MYRIP: variants seen among roughly 807,000 people sequenced by gnomAD.
The protein encoded by MYRIP is rab effector MyRIP.
In MYRIP, 49 loss-of-function variants were observed where a neutral mutation model predicts 98.0. The ratio of observed to expected loss-of-function variants is 0.50; its 90% CI spans 0.40 to 0.63. MYRIP has a LOEUF of 0.63. Among genes scored for constraint, MYRIP ranks in the 30% least tolerant of loss-of-function variants. MYRIP has a pLI of 0.00. For missense variants in MYRIP, 1,004 were observed against 1,058.2 expected, an observed-to-expected ratio of 0.95 and a Z score of 0.71; for synonymous variants, 404 against 409.5, an observed-to-expected ratio of 0.99 and a Z score of 0.16.
In MYRIP at chr3:39,970,487, GATA is replaced by G. The variant is rs1435843624; in HGVS notation, c.110+69566_110+69568del. Among the ~76,000 whole-genome samples, 6 of 152,140 alleles carry G rather than the reference GATA, an allele frequency of 3.9e-5. 1 individual carries two copies. Among genetic ancestry groups the G allele is most frequent in the South Asian group, 2.1e-4 (1 of 4,812 alleles). Reference sequence around the variant, plus strand: ...GTGTGTGTGTGTTAACCTAAACTCTGATAATAAGACAAAGCCCCCCATCTCCTT... The same window carrying G: ...GTGTGTGTGTGTTAACCTAAACTCTGATAAGACAAAGCCCCCCATCTCCTT... On this transcript the variant is annotated intron_variant, in intron 2 of 16. Coordinates refer to ENST00000302541, the MANE Select transcript of MYRIP (RefSeq NM_015460.4).
At chr3:39,955,412 A>C (rs972620428) in intron 2 of MYRIP, among the ~76,000 whole-genome samples, 5 of 152,334 alleles carry the variant, frequency 3.3e-5, no homozygotes, top group South Asian at 2.1e-4. Flanking sequence ...CCAGAATTTC[A>C]TATCCAGCCA....
At chr3:39,832,089 C>T (rs929915134) in intron 1 of MYRIP, among the ~76,000 whole-genome samples, 7 of 152,196 alleles carry the variant, frequency 4.6e-5, no homozygotes, top group East Asian at 1.9e-4. Context: ...GCTGCTTCTG[C>T]ACTCTTCTTC....
intron 1 of MYRIP, among the ~76,000 whole-genome samples, chr3:39,887,888 A>G (rs1233967389): frequency 6.6e-6 from 1 of 151,980 alleles, no homozygotes; most frequent in East Asian, 1.9e-4. Context: ...CCAACAACAG[A>G]CAAACAGAGA....
At chr3:39,819,914 T>G (rs973024638) in intron 1 of MYRIP, among the ~76,000 whole-genome samples, 1 of 152,258 alleles carries the variant, frequency 6.6e-6, no homozygotes, top group Non-Finnish European at 1.5e-5. Context: ...TGAGTTAAAT[T>G]TTCTGTGTAT....
intron 2 of MYRIP, among the ~76,000 whole-genome samples, chr3:39,952,470 T>C (rs1945043937): frequency 6.6e-6 from 1 of 152,234 alleles, no homozygotes; most frequent in Admixed American, 6.5e-5. Context: ...TAATACGGTA[T>C]ATTACATTAA....
intron 3 of MYRIP, among the ~76,000 whole-genome samples, chr3:40,052,220 G>A (rs908617840): frequency 3.3e-5 from 5 of 151,738 alleles, no homozygotes; most frequent in Non-Finnish European, 2.9e-5. Flanking sequence ...GGTAACCACC[G>A]AAATTCTACT....
rs115339503 is a variant in MYRIP at position 39,930,483 on chromosome 3, A to G, written c.110+29557A>G. 9.9e-3 allele frequency among the ~76,000 whole-genome samples: 1,512 copies of G among 152,102 alleles called. 16 individuals carry two copies. The highest frequency in any genetic ancestry group is 0.034 in the African/African-American group (1,430 of 41,526). ...ATATGATTTGTGAGTATTTTCTCCC[A>G]TTCTCTGGATTGTGTTTTTACTTTA... On this transcript the variant is annotated intron_variant, in intron 2 of 16. Coordinates refer to ENST00000302541, the MANE Select transcript of MYRIP (RefSeq NM_015460.4).
In MYRIP at chr3:39,946,447, C is replaced by G. The variant is rs1944904824; in HGVS notation, c.110+45521C>G. 2.6e-5 allele frequency among the ~76,000 whole-genome samples: 4 copies of G among 152,080 alleles called. No individual in the cohort carries two copies. In the South Asian group the frequency reaches 8.3e-4, roughly 31 times the overall value. On this transcript the variant is annotated intron_variant, in intron 2 of 16. Coordinates refer to ENST00000302541, the MANE Select transcript of MYRIP (RefSeq NM_015460.4). The stretch of plus-strand genomic sequence containing the variant: ...GGAAAATTATCCAGATGGGCCTGAC[C>G]TAATCAGACAAGCCCTTTAAGAACA...
chr3:40,042,823 A>G (rs1026452313), intron 2 of MYRIP, among the ~76,000 whole-genome samples: 1 of 152,182 alleles, frequency 6.6e-6, no homozygotes, highest in African/African-American at 2.4e-5. Context: ...TAAGTTGAAA[A>G]TGCACTTAAT....
At chr3:40,016,378 A>AC (rs1946861101) in intron 2 of MYRIP, among the ~76,000 whole-genome samples, 1 of 152,092 alleles carries the variant, frequency 6.6e-6, no homozygotes, top group African/African-American at 2.4e-5. Context: ...AGCCCTTTCA[A>AC]CCAGTCGTCC....
chr3:39,880,493 A>G (rs948391002), intron 1 of MYRIP, among the ~76,000 whole-genome samples: 7 of 152,232 alleles, frequency 4.6e-5, no homozygotes. Context: ...GAAAAATTCA[A>G]CTTTGTTTTT....
chr3:39,854,944 C>T (rs1052299103), intron 1 of MYRIP, among the ~76,000 whole-genome samples: 7 of 152,192 alleles, frequency 4.6e-5, no homozygotes, highest in Admixed American at 3.3e-4. Context: ...GGCAACCAGG[C>T]TCCAGGCTGG....
At chr3:39,877,310 A>G (rs1644772993) in intron 1 of MYRIP, among the ~76,000 whole-genome samples, 1 of 151,908 alleles carries the variant, frequency 6.6e-6, no homozygotes, top group South Asian at 2.1e-4. Flanking sequence ...GCTCAGAGTA[A>G]TTTGATCGTC....
intron 3 of MYRIP, among the ~76,000 whole-genome samples, chr3:40,056,196 A>G (rs1947881956): frequency 6.6e-6 from 1 of 152,192 alleles, no homozygotes; most frequent in African/African-American, 2.4e-5. Flanking sequence ...ATTAAATATG[A>G]AGCTAGTTAG....
intron 2 of MYRIP, among the ~76,000 whole-genome samples, chr3:39,921,350 A>G (rs563176486): frequency 6.6e-5 from 10 of 152,312 alleles, no homozygotes; most frequent in Admixed American, 5.2e-4. Flanking sequence ...TTTGTCTTCC[A>G]GTGTACGTAG....
chr3:39,913,253 C>A (rs1475510404), intron 2 of MYRIP, among the ~76,000 whole-genome samples: 1 of 152,118 alleles, frequency 6.6e-6, no homozygotes, highest in Non-Finnish European at 1.5e-5. Context: ...TAATGCAATA[C>A]ATAGATGATT....
At chr3:40,001,707 A>G (rs745569293) in intron 2 of MYRIP, among the ~76,000 whole-genome samples, 6 of 152,190 alleles carry the variant, frequency 3.9e-5, no homozygotes, top group Non-Finnish European at 5.9e-5. Context: ...GACTTATATT[A>G]GCATTCCTGA....
chr3:40,220,323 G>A (rs887977515), intron 11 of MYRIP, among the ~76,000 whole-genome samples: 12 of 152,180 alleles, frequency 7.9e-5, no homozygotes, highest in Non-Finnish European at 1.3e-4. Context: ...TTGCTGTGCA[G>A]AAGCTGTTTA....
intron 3 of MYRIP, among the ~76,000 whole-genome samples, chr3:40,097,264 G>A (rs1018453488): frequency 2.6e-5 from 4 of 152,196 alleles, no homozygotes; most frequent in African/African-American, 9.6e-5. Flanking sequence ...ACTAAAGAAA[G>A]AGAGATCAAG....
Sources: gnomAD v4.1 joint callset for allele counts (sites outside exome capture counted in the v4.1 genomes callset) on GRCh38, gnomAD v4.1.1 for gene constraint, MANE v1.5 for transcripts, NCBI Gene and HGNC (gene_info 2026-07-23, HGNC 2026-07-21) for gene names.